TCF20: variants seen among roughly 807,000 people sequenced by gnomAD.
TCF20 encodes the protein SPRE-binding protein.
A neutral mutation model predicts 148.6 loss-of-function variants in TCF20; 3 were observed. The ratio of observed to expected loss-of-function variants is 0.02; its 90% CI spans 0.01 to 0.05. TCF20 has a LOEUF of 0.05. TCF20 is among the 10% of genes least tolerant of loss of function. TCF20 has a pLI of 1.00. For synonymous variants in TCF20, 1,049 were observed against 909.5 expected (o/e 1.15, Z -2.76); for missense variants, 2,350 against 2,429.3 (o/e 0.97, Z 0.69).
At chr22:42,216,157 G>A (rs888875139) in intron 1 of TCF20, among the ~76,000 whole-genome samples, 16 of 137,888 alleles carry the variant, frequency 1.2e-4, no homozygotes, top group East Asian at 4.4e-4. Context: ...GGGCACAGTC[G>A]TAGTTCACTG....
Position 42,210,815 on chromosome 22 carries a change from T to C in TCF20, c.4491A>G (p.Val1497=). Reference sequence around the variant, plus strand: ...CAGGGGCCAATATGCCCACTGGAGGTACATTCTTTGAGTCTGGAAAGATTA... The same window carrying C: ...CAGGGGCCAATATGCCCACTGGAGGCACATTCTTTGAGTCTGGAAAGATTA... ...APLIFPDSKN[V]PPVGILAPEA... Residue 1497 remains valine (V), a synonymous_variant, in exon 2 of 6, where the codon GTA becomes GTG. Coordinates refer to ENST00000677622, the MANE Select transcript of TCF20 (RefSeq NM_001378418.1). This position sits in a 1 kb window ranked among gnomAD's most constrained non-coding sequence, Gnocchi z 4.7. The C allele has an allele frequency of 1.2e-6, 2 of 1,614,140 alleles. No individual in the cohort carries two copies. Among genetic ancestry groups the C allele is most frequent in the South Asian group, 1.1e-5 (1 of 91,082 alleles).
chr22:42,261,833 A>C (rs1235792266), intron 1 of TCF20, among the ~76,000 whole-genome samples: 1 of 152,202 alleles, frequency 6.6e-6, no homozygotes, highest in Admixed American at 6.5e-5. Flanking sequence ...TCTACTAAAA[A>C]TACAAAAATT....
At chr22:42,203,277 C>T (rs976096384) in intron 2 of TCF20, among the ~76,000 whole-genome samples, 3 of 152,078 alleles carry the variant, frequency 2.0e-5, no homozygotes, top group African/African-American at 7.2e-5. Flanking sequence ...ATCCAAAGTG[C>T]TAGGATTACA....
chr22:42,247,636 C>T (rs1925033890), intron 1 of TCF20, among the ~76,000 whole-genome samples: 1 of 152,046 alleles, frequency 6.6e-6, no homozygotes, highest in African/African-American at 2.4e-5. Flanking sequence ...AAATTTAACT[C>T]AGTACACAAA....
chr22:42,319,694 C>G (rs139568364), intron 1 of TCF20, among the ~76,000 whole-genome samples: 1 of 152,298 alleles, frequency 6.6e-6, no homozygotes, highest in Non-Finnish European at 1.5e-5. Context: ...GATGGAGGAA[C>G]TGAGGACAAA....
At chr22:42,248,932 G>A (rs75220048) in intron 1 of TCF20, among the ~76,000 whole-genome samples, 46 of 152,292 alleles carry the variant, frequency 3.0e-4, no homozygotes, top group African/African-American at 1.1e-3. Context: ...TAGAAACCTG[G>A]TAAAGCACTG....
chr22:42,290,407 C>T lies in TCF20; in HGVS notation c.-37+53072G>A, dbSNP rs1030263781. ...ACACGGAATGAGAATCGTTCAGAAT[C>T]TTTCATCTGCTCAAAATATAAAAAC... is the stretch of plus-strand genomic sequence containing the variant. On this transcript the variant is annotated intron_variant, in intron 1 of 1. Coordinates refer to the TCF20 transcript ENST00000515426. The surrounding 1 kb of genome is among the most constrained non-coding windows in gnomAD (Gnocchi z 4.2). Among the ~76,000 whole-genome samples the T allele has an allele frequency of 6.6e-6, 1 of 152,250 alleles. No homozygotes were observed. The highest frequency in any genetic ancestry group is 2.4e-5 in the African/African-American group (1 of 41,468).
chr22:42,267,320 A>C (rs1926341500), intron 1 of TCF20, among the ~76,000 whole-genome samples: 1 of 152,188 alleles, frequency 6.6e-6, no homozygotes. Context: ...GTTTTTTTAA[A>C]CACCACACTG....
chr22:42,295,264 T>C (rs8135529), intron 1 of TCF20, among the ~76,000 whole-genome samples: 10,800 of 152,118 alleles, frequency 0.071, 481 homozygotes, highest in Middle Eastern at 0.16. Context: ...AACTCCTCTT[T>C]TGCTGCAGCC....
intron 1 of TCF20, among the ~76,000 whole-genome samples, chr22:42,333,552 C>T (rs758618028): frequency 7.9e-5 from 12 of 152,346 alleles, no homozygotes; most frequent in African/African-American, 1.9e-4. Context: ...GCCTCAGTTT[C>T]GGTAAGGAAC....
Position 42,161,972 on chromosome 22 carries a change from C to CTTTTTTTTTTTTTTTTT in TCF20, c.*45-631_*45-615dup, listed in dbSNP as rs3045573. 1.1e-4 allele frequency among the ~76,000 whole-genome samples: 8 copies of CTTTTTTTTTTTTTTTTT among 75,028 alleles called. 1 individual carries two copies. Among genetic ancestry groups the CTTTTTTTTTTTTTTTTT allele is most frequent in the African/African-American group, 4.5e-4 (7 of 15,664 alleles). The allele number at this position is 75,028 out of a possible 152,430, so 49.2% of individuals were successfully genotyped here. A position where few individuals can be genotyped will look rare whatever the true frequency, so the allele number is the denominator to read the frequency against. On this transcript the variant is annotated intron_variant, in intron 5 of 5. Coordinates refer to ENST00000677622, the MANE Select transcript of TCF20 (RefSeq NM_001378418.1). ...GCCACCATGCTTGGCTAATGACAGT[C>CTTTTTTTTTTTTTTTTT]TTTTTTTTTTTTTTTTTTTTTTTTT...
intron 1 of TCF20, among the ~76,000 whole-genome samples, chr22:42,243,109 A>G (rs558886947): frequency 1.3e-5 from 2 of 151,976 alleles, no homozygotes; most frequent in East Asian, 1.9e-4. Flanking sequence ...AATTCTGTAT[A>G]ATACTGTATT....
chr22:42,236,675 A>T (rs1923914748), intron 1 of TCF20, among the ~76,000 whole-genome samples: 1 of 152,222 alleles, frequency 6.6e-6, no homozygotes, highest in Non-Finnish European at 1.5e-5. Flanking sequence ...AATTTTGAAA[A>T]TAAAAAAGTC....
chr22:42,211,441 T>C lies in TCF20; in HGVS notation c.3865A>G (p.Lys1289Glu), dbSNP rs1282483126. 6.2e-7 allele frequency: 1 copy of C among 1,614,188 alleles called. No homozygotes were observed. Among genetic ancestry groups the C allele is most frequent in the Non-Finnish European group, 8.5e-7 (1 of 1,180,036 alleles). Reference sequence around the variant, plus strand: ...TTGAATGCTTTATCAGCGCCTTCTTTTGATGAGTGAAGGAGGCGACCTTTA... The same window carrying C: ...TTGAATGCTTTATCAGCGCCTTCTTCTGATGAGTGAAGGAGGCGACCTTTA... ...EDKGRLLHSS[K>E]EGADKAFNSY... Residue 1289 changes from lysine (K) to glutamate (E), a missense_variant, in exon 2 of 6, where the codon AAA becomes GAA. Around this residue, in one of 7 missense-constraint regions of TCF20, gnomAD observed 1,641 missense variants for 1,662.6 expected, o/e 0.99. Transcript: ENST00000677622.
intron 2 of TCF20, 76 bp downstream of exon 2, chr22:42,209,575 T>A (rs1187164060): frequency 6.7e-7 from 1 of 1,488,160 alleles, no homozygotes; most frequent in East Asian, 2.3e-5. Flanking sequence ...ATGTGACATG[T>A]AAGAACAAAA....
chr22:42,214,584 G>C lies in TCF20; in HGVS notation c.722C>G (p.Ser241Cys). The C allele has an allele frequency of 6.2e-7, 1 of 1,614,100 alleles. No individual in the cohort carries two copies. Among genetic ancestry groups the C allele is most frequent in the South Asian group, 1.1e-5 (1 of 91,078 alleles). Reference sequence around the variant, plus strand: ...TGAAGGGAAGGAGGAGGAGGAGGAGGAGGAAGCAGAAGACTGATAGTGTTG... The same window carrying C: ...TGAAGGGAAGGAGGAGGAGGAGGAGCAGGAAGCAGAAGACTGATAGTGTTG... The part of the protein sequence containing the change: ...FGQHYQSSAS[S>C]SSSSSFPSPQ... Residue 241 changes from serine to cysteine, a missense_variant, in exon 2 of 6, where the codon TCC (serine) becomes TGC (cysteine). Ser to Cys is a moderately radical substitution (Grantham distance 112). Coordinates refer to ENST00000677622, the MANE Select transcript of TCF20 (RefSeq NM_001378418.1).
intron 2 of TCF20, among the ~76,000 whole-genome samples, chr22:42,186,823 A>G (rs1486747125): frequency 6.6e-6 from 1 of 152,270 alleles, no homozygotes; most frequent in East Asian, 1.9e-4. Context: ...ATTTTGCATT[A>G]CAAGAAAAGA....
At chr22:42,225,319 A>T (rs1034083892) in intron 1 of TCF20, among the ~76,000 whole-genome samples, 3 of 151,942 alleles carry the variant, frequency 2.0e-5, no homozygotes, top group Non-Finnish European at 4.4e-5. Flanking sequence ...CTCATTTAAA[A>T]ATTACAACCC....
intron 1 of TCF20, among the ~76,000 whole-genome samples, chr22:42,260,317 G>A (rs1264288807): frequency 1.3e-5 from 2 of 152,168 alleles, no homozygotes; most frequent in African/African-American, 4.8e-5. Flanking sequence ...ATATGACCCT[G>A]TTGGCCACCA....
Sources: gnomAD v4.1 joint callset for allele counts (sites outside exome capture counted in the v4.1 genomes callset) on GRCh38, gnomAD v4.1.1 for gene constraint, gnomAD v4.1.1 regional missense constraint, Gnocchi (gnomAD v3.1) non-coding constraint, MANE v1.5 for transcripts, NCBI Gene and HGNC (gene_info 2026-07-23, HGNC 2026-07-21) for gene names.